The following CLSTN2 variants were observed in gnomAD, a reference collection of about 807,000 sequenced individuals.
CLSTN2 encodes the protein calsyntenin-2.
CLSTN2 carries 48 observed loss-of-function variants against 101.2 expected under a neutral mutation model. The observed-to-expected ratio is 0.47, with a 90% CI of 0.38 to 0.60. The LOEUF is 0.60. Among genes scored for constraint, CLSTN2 ranks in the 20% least tolerant of loss-of-function variants. The probability of loss-of-function intolerance (pLI) is 0.00; values close to 1 mark genes in which losing one functional copy is unlikely to be tolerated. For synonymous variants in CLSTN2, 481 were observed against 463.6 expected (o/e 1.04, Z -0.48); for missense variants, 1,160 against 1,238.2 (o/e 0.94, Z 0.95).
At chr3:140,035,830 T>A (rs901897467) in intron 1 of CLSTN2, among the ~76,000 whole-genome samples, 8 of 152,230 alleles carry the variant, frequency 5.3e-5, no homozygotes, top group Non-Finnish European at 1.2e-4. Context: ...CATCCTGAGC[T>A]CCTTGCCTGT....
chr3:140,369,710 C>T (rs1019265853), intron 2 of CLSTN2, among the ~76,000 whole-genome samples: 4 of 152,176 alleles, frequency 2.6e-5, no homozygotes, highest in Non-Finnish European at 4.4e-5. Context: ...CCTCCTCCAC[C>T]CCCAGCTTGT....
At chr3:140,562,038 C>A in intron 12 of CLSTN2, 100 bp from the exon 13 acceptor site, 1 of 1,077,520 alleles carries the variant, frequency 9.3e-7, no homozygotes, top group Non-Finnish European at 1.4e-6. Flanking sequence ...CTGACCCAGC[C>A]TTAACCTGGG....
intron 5 of CLSTN2, among the ~76,000 whole-genome samples, chr3:140,421,656 G>T: frequency 6.6e-6 from 1 of 152,112 alleles, no homozygotes; most frequent in East Asian, 1.9e-4. Flanking sequence ...TCAACACCTG[G>T]GGAAAGTCGC....
intron 2 of CLSTN2, among the ~76,000 whole-genome samples, chr3:140,371,998 G>A (rs989986418): frequency 6.6e-6 from 1 of 152,152 alleles, no homozygotes; most frequent in Non-Finnish European, 1.5e-5. Flanking sequence ...GGGGATCTGG[G>A]TGGAGCAGGG....
intron 1 of CLSTN2, among the ~76,000 whole-genome samples, chr3:140,005,859 A>G (rs897786685): frequency 3.9e-5 from 6 of 152,238 alleles, no homozygotes; most frequent in African/African-American, 1.2e-4. Context: ...GCAAACAGCA[A>G]TGGCAAAAGG....
chr3:140,329,110 G>C (rs1000270610), intron 2 of CLSTN2, among the ~76,000 whole-genome samples: 3 of 152,200 alleles, frequency 2.0e-5, no homozygotes, highest in African/African-American at 7.2e-5. Flanking sequence ...CTGTTGGCCG[G>C]GCATGGTGGC....
chr3:140,403,427 CAGG>C (rs2088265736), intron 2 of CLSTN2, among the ~76,000 whole-genome samples, 199 bp from the exon 3 acceptor site: 1 of 152,172 alleles, frequency 6.6e-6, no homozygotes, highest in Admixed American at 6.5e-5. Context: ...AGATCCAGTT[CAGG>C]AGGTCTGGGT....
rs1405155931 is a variant in CLSTN2, at chr3:140,575,749, C to A, written c.*9496C>A. On this transcript the variant is annotated 3_prime_UTR_variant, in exon 17 of 17. Transcript: ENST00000458420. ...TAGGGGTATTCGAGAAATTTGAGTA[C>A]AAAATATAAATTATCAGAGATGAGT... is the stretch of plus-strand genomic sequence containing the variant. 1 of 151,760 alleles carries A rather than the reference C, an allele frequency of 6.6e-6. No individual in the cohort carries two copies. The highest frequency in any genetic ancestry group is 1.5e-5 in the Non-Finnish European group (1 of 67,986). 9.4% of individuals were successfully genotyped at this position (151,760 alleles called of 1,614,324 possible). A position where few individuals can be genotyped will look rare whatever the true frequency, so the allele number is the denominator to read the frequency against.
At chr3:140,247,190 A>G (rs1559818285) in intron 2 of CLSTN2, among the ~76,000 whole-genome samples, 1 of 152,204 alleles carries the variant, frequency 6.6e-6, no homozygotes, top group Non-Finnish European at 1.5e-5. Flanking sequence ...TTCTATCTGT[A>G]CCATAGGGCT....
intron 1 of CLSTN2, among the ~76,000 whole-genome samples, chr3:140,149,218 G>A (rs970822348): frequency 1.3e-5 from 2 of 152,142 alleles, no homozygotes; most frequent in African/African-American, 4.8e-5. Flanking sequence ...GAGTGAACAA[G>A]TATATCTCAA....
At chr3:140,191,131 G>A (rs907096073) in intron 2 of CLSTN2, among the ~76,000 whole-genome samples, 1 of 151,740 alleles carries the variant, frequency 6.6e-6, no homozygotes, top group Non-Finnish European at 1.5e-5. Context: ...AGTATAAATG[G>A]GTGTTGATTT....
intron 1 of CLSTN2, among the ~76,000 whole-genome samples, chr3:140,123,266 C>T (rs905820496): frequency 6.6e-6 from 1 of 151,968 alleles, no homozygotes; most frequent in Admixed American, 6.6e-5. Flanking sequence ...TTTTATAAGG[C>T]ATTAATCTCA....
chr3:140,421,406 C>G (rs973302344), intron 5 of CLSTN2, 132 bp downstream of exon 5: 7 of 1,085,468 alleles, frequency 6.4e-6, no homozygotes, highest in Non-Finnish European at 8.0e-6. Flanking sequence ...AATAAAGTAG[C>G]TTGCTTATTC....
At chr3:140,356,691 G>A (rs2087673700) in intron 2 of CLSTN2, among the ~76,000 whole-genome samples, 1 of 148,102 alleles carries the variant, frequency 6.8e-6, no homozygotes, top group Non-Finnish European at 1.5e-5. Context: ...CCAGGAAGCG[G>A]AGGTTGCAAT....
chr3:139,972,701 G>A (rs1576381839), intron 1 of CLSTN2, among the ~76,000 whole-genome samples: 2 of 152,152 alleles, frequency 1.3e-5, no homozygotes, highest in South Asian at 4.2e-4. Flanking sequence ...TGCTGTGACG[G>A]CTCCCACAGT....
intron 1 of CLSTN2, among the ~76,000 whole-genome samples, chr3:139,990,430 C>A (rs1476215617): frequency 1.3e-5 from 2 of 152,092 alleles, no homozygotes; most frequent in Non-Finnish European, 2.9e-5. Flanking sequence ...AGGACCCGCC[C>A]CCTTACTTCA....
intron 2 of CLSTN2, among the ~76,000 whole-genome samples, chr3:140,269,670 G>T (rs943280262): frequency 6.6e-6 from 1 of 152,170 alleles, no homozygotes; most frequent in South Asian, 2.1e-4. Flanking sequence ...TTCTTGAACC[G>T]ATGGGGGACC....
At chr3:140,345,548 C>T (rs893050758) in intron 2 of CLSTN2, among the ~76,000 whole-genome samples, 5 of 151,460 alleles carry the variant, frequency 3.3e-5, no homozygotes, top group African/African-American at 1.2e-4. Context: ...CCGCGCCCGG[C>T]CGGATATAGC....
At chr3:140,073,376 A>G (rs2008429839) in intron 1 of CLSTN2, among the ~76,000 whole-genome samples, 1 of 152,240 alleles carries the variant, frequency 6.6e-6, no homozygotes, top group African/African-American at 2.4e-5. Flanking sequence ...AAAATATGCC[A>G]GAGCTTTGGA....
Sources: gnomAD v4.1 joint callset for allele counts (sites outside exome capture counted in the v4.1 genomes callset) on GRCh38, gnomAD v4.1.1 for gene constraint, MANE v1.5 for transcripts, NCBI Gene and HGNC (gene_info 2026-07-23, HGNC 2026-07-21) for gene names.